The following CFAP69 variants were observed in gnomAD, a reference collection of about 807,000 sequenced individuals.
CFAP69 encodes cilia and flagella associated protein 69.
In CFAP69, 92 loss-of-function variants were observed where a neutral mutation model predicts 123.0. The ratio of observed to expected loss-of-function variants is 0.75; its 90% confidence interval spans 0.63 to 0.89. The LOEUF is 0.89. Ranked by LOEUF, CFAP69 falls within the 40% of genes least tolerant of loss-of-function variation. The pLI is 0.00. For synonymous variants in CFAP69, 380 were observed against 364.3 expected, an observed-to-expected ratio of 1.04 and a Z score of -0.49; for missense variants, 1,067 against 1,096.9, an observed-to-expected ratio of 0.97 and a Z score of 0.39.
chr7:90,287,652 T>G, intron 14 of CFAP69: 1 of 985,428 alleles, frequency 1.0e-6, no homozygotes, highest in Non-Finnish European at 1.2e-6. Flanking sequence ...ATGCAATTTC[T>G]CATCATATTC....
rs948496936 is a variant in CFAP69 at position 90,297,821 on chromosome 7, T to A, written c.1848T>A (p.Asp616Glu). 4.4e-6 allele frequency: 7 copies of A among 1,575,598 alleles called. No homozygotes were observed. Among genetic ancestry groups the A allele is most frequent in the Non-Finnish European group, 6.0e-6 (7 of 1,167,334 alleles). The change falls in exon 16 of 23, where the codon GAT becomes GAA. Residue 616 changes from aspartate (D) to glutamate (E), a missense_variant. Coordinates refer to ENST00000389297, the MANE Select transcript of CFAP69 (RefSeq NM_001039706.3). ...LEKEGIFLLL[D>E]LLALNQKKFC... ...AGGAAGGCATTTTTCTCCTTTTGGATTTGTTAGCAGTAAGTATGGCTATAA... is the reference window on the plus strand; with the variant it reads ...AGGAAGGCATTTTTCTCCTTTTGGAATTGTTAGCAGTAAGTATGGCTATAA...
At chr7:90,290,969 A>G (rs1466180051) in intron 15 of CFAP69, among the ~76,000 whole-genome samples, 1 of 152,034 alleles carries the variant, frequency 6.6e-6, no homozygotes, top group South Asian at 2.1e-4. Context: ...AGAAGAGTGC[A>G]AGTAGCCCCG....
In CFAP69 at chr7:90,297,815, T is replaced by C. The variant is rs1386766417; in HGVS notation, c.1842T>C (p.Leu614=). ...TTGAAAAGGAAGGCATTTTTCTCCTTTTGGATTTGTTAGCAGTAAGTATGG... is the reference window on the plus strand; with the variant it reads ...TTGAAAAGGAAGGCATTTTTCTCCTCTTGGATTTGTTAGCAGTAAGTATGG... ...YFLEKEGIFL[L]LDLLALNQKK... The change falls in exon 16 of 23, where the codon CTT becomes CTC. Residue 614 remains leucine, a synonymous_variant. Coordinates refer to ENST00000389297, the MANE Select transcript of CFAP69 (RefSeq NM_001039706.3). The C allele has an allele frequency of 2.5e-6, 4 of 1,576,982 alleles. No homozygotes were observed. The highest frequency in any genetic ancestry group is 3.4e-6 in the Non-Finnish European group (4 of 1,168,506).
Position 90,245,962 on chromosome 7 carries a change from T to C in CFAP69, c.120+418T>C, listed in dbSNP as rs141771369. Among the ~76,000 whole-genome samples the C allele has an allele frequency of 6.2e-4, 94 of 152,302 alleles. 2 individuals are homozygous for C. Among genetic ancestry groups the C allele is most frequent in the African/African-American group, 2.2e-3 (92 of 41,564 alleles). On this transcript the variant is annotated intron_variant, in intron 1 of 22. Coordinates refer to ENST00000389297, the MANE Select transcript of CFAP69 (RefSeq NM_001039706.3). ...CCCTGTTACCGAGTGATGTTCTTGATATAGATGTAAATTTTCCCATGCTTA... is the reference window on the plus strand; with the variant it reads ...CCCTGTTACCGAGTGATGTTCTTGACATAGATGTAAATTTTCCCATGCTTA...
At chr7:90,251,885 A>T (rs1797054251) in intron 1 of CFAP69, 1 of 152,170 alleles carries the variant, frequency 6.6e-6, no homozygotes, top group South Asian at 2.1e-4. Flanking sequence ...AAAAATCTGA[A>T]AATACACACA....
intron 1 of CFAP69, among the ~76,000 whole-genome samples, chr7:90,248,476 A>G (rs1442498318): frequency 6.6e-6 from 1 of 152,240 alleles, no homozygotes; most frequent in African/African-American, 2.4e-5. Context: ...AAGCTACTAC[A>G]AATGATATTC....
At chr7:90,313,445 C>T (rs1794493975), downstream of CFAP69, among the ~76,000 whole-genome samples, 1 of 152,156 alleles carries the variant, frequency 6.6e-6, no homozygotes, top group Non-Finnish European at 1.5e-5. Context: ...CTGGTACTAT[C>T]AGGTCAAAAT....
chr7:90,273,893 A>T, intron 8 of CFAP69, 94 bp from the exon 9 acceptor site: 2 of 980,642 alleles, frequency 2.0e-6, no homozygotes, highest in Non-Finnish European at 2.9e-6. Context: ...AAACCATCAC[A>T]TTGGGGGTTA....
chr7:90,322,367 T>G, the CFAP69 span: 1 of 152,270 alleles, frequency 6.6e-6, no homozygotes, highest in Non-Finnish European at 1.5e-5. Flanking sequence ...CCATTAATCA[T>G]GGACTCTCAC....
intron 9 of CFAP69, among the ~76,000 whole-genome samples, chr7:90,275,078 CT>C (rs1788384570): frequency 6.6e-6 from 1 of 152,138 alleles, no homozygotes; most frequent in Non-Finnish European, 1.5e-5. Flanking sequence ...AATTCACTGA[CT>C]TTTTTATTTC....
chr7:90,262,169 A>G, intron 4 of CFAP69, 113 bp downstream of exon 4: 3 of 636,126 alleles, frequency 4.7e-6, no homozygotes, highest in Non-Finnish European at 5.2e-6. Context: ...CAGAACTCAG[A>G]AAACTTCAGT....
chr7:90,255,685 T>C (rs1242424529), intron 2 of CFAP69, among the ~76,000 whole-genome samples: 1 of 152,120 alleles, frequency 6.6e-6, no homozygotes, highest in Non-Finnish European at 1.5e-5. Flanking sequence ...AGGAAGAGAA[T>C]AGATTTGCTT....
Position 90,310,433 on chromosome 7 carries a change from CA to C in CFAP69, c.*196del, listed in dbSNP as rs1794212698. 1 of 315,428 alleles carries C rather than the reference CA, an allele frequency of 3.2e-6. No homozygotes were observed. Among genetic ancestry groups the C allele is most frequent in the Non-Finnish European group, 5.6e-6 (1 of 179,376 alleles). 19.5% of individuals were successfully genotyped at this position (315,428 alleles called of 1,614,324 possible). ...CATGTAATATCAGAAGAGTTGTCATCAGTTTCTTTGGAAAGGCTACCAATTT... is the reference window on the plus strand; with the variant it reads ...CATGTAATATCAGAAGAGTTGTCATCGTTTCTTTGGAAAGGCTACCAATTT... On this transcript the variant is annotated 3_prime_UTR_variant, in exon 23 of 23. Coordinates refer to ENST00000389297, the MANE Select transcript of CFAP69 (RefSeq NM_001039706.3).
intron 18 of CFAP69, 23 bp downstream of exon 18, chr7:90,304,129 G>T (rs1165198104): frequency 1.0e-5 from 16 of 1,539,934 alleles, no homozygotes; most frequent in Non-Finnish European, 1.2e-5. Flanking sequence ...CTTCAAATTT[G>T]CAAGAGTCTG....
chr7:90,245,298 T>C lies in CFAP69; in HGVS notation c.-127T>C. The C allele has an allele frequency of 1.5e-6, 2 of 1,328,850 alleles. No homozygotes were observed. The highest frequency in any genetic ancestry group is 2.0e-6 in the Non-Finnish European group (2 of 1,024,898). 82.3% of individuals were successfully genotyped at this position (1,328,850 alleles called of 1,614,324 possible). On this transcript the variant is annotated 5_prime_UTR_variant, in exon 1 of 23. Coordinates refer to ENST00000389297, the MANE Select transcript of CFAP69 (RefSeq NM_001039706.3). ...AGGCCCCTGGCGGAATTTTGGGACC[T>C]TTCGCGACTCTAGCGACTCTCAGGC...
Position 90,298,541 on chromosome 7 carries a change from A to C in CFAP69, c.1857+711A>C, listed in dbSNP as rs17866764. ...TGCCACTATTCTTGATTTTATTAAC[A>C]GAATAACAAACCTACTTTGATTTAG... On this transcript the variant is annotated intron_variant, in intron 16 of 22. Coordinates refer to ENST00000389297, the MANE Select transcript of CFAP69 (RefSeq NM_001039706.3). 3.9e-3 allele frequency among the ~76,000 whole-genome samples: 590 copies of C among 152,352 alleles called. 4 individuals are homozygous for C. The highest frequency in any genetic ancestry group is 0.014 in the African/African-American group (563 of 41,586).
the CFAP69 span, chr7:90,319,775 A>G: frequency 2.5e-6 from 1 of 398,428 alleles, no homozygotes; most frequent in Non-Finnish European, 4.4e-6. Flanking sequence ...AAAATGAGAG[A>G]GGATATATTT....
chr7:90,318,769 T>G, the CFAP69 span: 1 of 152,134 alleles, frequency 6.6e-6, no homozygotes, highest in South Asian at 2.1e-4. Context: ...ACAACGTTTA[T>G]CAGTATTAAA....
rs1562832693 is a variant in CFAP69 at position 90,250,235 on chromosome 7, AC to A, written c.120+4692del. On this transcript the variant is annotated intron_variant, in intron 1 of 22. Coordinates refer to ENST00000389297, the MANE Select transcript of CFAP69 (RefSeq NM_001039706.3). ...GAGAGAGAGAGAGAGAGAGAGAGAG[AC>A]TCCTTGGTTGTCCATTGAGGAGTCA... is the stretch of plus-strand genomic sequence containing the variant. Among the ~76,000 whole-genome samples, 190 of 134,350 alleles carry A rather than the reference AC, an allele frequency of 1.4e-3. 1 individual carries two copies. Among genetic ancestry groups the A allele is most frequent in the African/African-American group, 4.8e-3 (168 of 34,934 alleles). The allele number at this position is 134,350 out of a possible 152,430, so 88.1% of individuals were successfully genotyped here.
Sources: allele counts gnomAD v4.1 joint callset (sites outside exome capture counted in the v4.1 genomes callset), GRCh38; gene constraint gnomAD v4.1.1; transcripts MANE v1.5; gene names NCBI Gene and HGNC (gene_info 2026-07-23, HGNC 2026-07-21).